LRRC4C: variants seen among roughly 807,000 people sequenced by gnomAD.
The protein encoded by LRRC4C is leucine-rich repeat-containing protein 4C.
Under a neutral mutation model 33.6 loss-of-function variants are expected in LRRC4C, and 5 were observed. The ratio of observed to expected loss-of-function variants is 0.15; its 90% CI spans 0.08 to 0.31. The LOEUF (loss-of-function observed/expected upper bound fraction) is 0.31, where lower values mean the gene tolerates loss of function less well. Among genes scored for constraint, LRRC4C ranks in the 10% least tolerant of loss-of-function variants. The probability of loss-of-function intolerance (pLI) is 1.00; values close to 1 mark genes in which losing one functional copy is unlikely to be tolerated. For synonymous variants in LRRC4C, 329 were observed against 302.0 expected (o/e 1.09, Z -0.93); for missense variants, 560 against 796.7 (o/e 0.70, Z 3.58).
intron 2 of LRRC4C, among the ~76,000 whole-genome samples, chr11:40,881,723 C>T (rs1334834579): frequency 6.7e-6 from 1 of 150,368 alleles, no homozygotes; most frequent in Non-Finnish European, 1.5e-5. Context: ...ACTTTGTATT[C>T]TAGATGTAAA....
rs913920451 is a variant in LRRC4C, at chr11:41,344,984, T to C, written c.-496+114447A>G. On this transcript the variant is annotated intron_variant, in intron 1 of 6. Transcript: ENST00000528697. ...AGAATCATTATTAACTGTTTTTTTT[T>C]CCCCTGTTTCCTGGGGAACTATTGA... Among the ~76,000 whole-genome samples the C allele has an allele frequency of 1.7e-4, 26 of 148,902 alleles. No individual in the cohort carries two copies. In the East Asian group the frequency reaches 1.8e-3, roughly 10 times the overall value.
intron 1 of LRRC4C, among the ~76,000 whole-genome samples, chr11:41,316,262 CA>C (rs60671406): frequency 0.12 from 9,189 of 77,974 alleles, 397 homozygotes; most frequent in Middle Eastern, 0.16. Flanking sequence ...CTCTGGATGG[CA>C]AAAAAAAAAA....
intron 1 of LRRC4C, among the ~76,000 whole-genome samples, chr11:41,107,059 T>TA: frequency 2.4e-4 from 1 of 4,154 alleles, no homozygotes; most frequent in African/African-American, 6.4e-4. Context: ...TAGGTTTTGA[T>TA]TTTTTTTTTT....
intron 1 of LRRC4C, among the ~76,000 whole-genome samples, chr11:41,403,740 G>C (rs989495020): frequency 6.6e-6 from 1 of 151,978 alleles, no homozygotes; most frequent in African/African-American, 2.4e-5. Flanking sequence ...GCTGATTTTT[G>C]TCTTCTCTCC....
At chr11:40,808,936 T>G (rs1042665946) in intron 2 of LRRC4C, among the ~76,000 whole-genome samples, 27 of 152,160 alleles carry the variant, frequency 1.8e-4, no homozygotes, top group African/African-American at 6.5e-4. Context: ...AACTTTTCAC[T>G]TATTTGTCTT....
intron 3 of LRRC4C, among the ~76,000 whole-genome samples, chr11:40,507,613 T>G (rs1955096251): frequency 6.6e-6 from 1 of 152,176 alleles, no homozygotes; most frequent in South Asian, 2.1e-4. Flanking sequence ...TTTTAGCAGT[T>G]TATGTTAACA....
At chr11:40,995,489 G>T (rs1454553963) in intron 1 of LRRC4C, among the ~76,000 whole-genome samples, 2 of 151,860 alleles carry the variant, frequency 1.3e-5, no homozygotes, top group East Asian at 3.9e-4. Context: ...AAAGATCCTA[G>T]GAGATATCTT....
At chr11:40,631,129 T>C (rs762681270) in intron 3 of LRRC4C, among the ~76,000 whole-genome samples, 6 of 152,244 alleles carry the variant, frequency 3.9e-5, no homozygotes, top group Non-Finnish European at 7.3e-5. Flanking sequence ...ACTTCCACTG[T>C]AGAGAGAAAG....
intron 1 of LRRC4C, among the ~76,000 whole-genome samples, chr11:40,976,726 C>T (rs1852112474): frequency 6.6e-6 from 1 of 151,750 alleles, no homozygotes; most frequent in Admixed American, 6.6e-5. Flanking sequence ...AAAAAGGATT[C>T]CAAAAGAAAA....
chr11:40,878,013 T>C (rs1954991139), intron 2 of LRRC4C, among the ~76,000 whole-genome samples: 1 of 152,188 alleles, frequency 6.6e-6, no homozygotes. Flanking sequence ...TATCTCATCA[T>C]TGAATCTTCT....
intron 3 of LRRC4C, among the ~76,000 whole-genome samples, chr11:40,577,370 A>C (rs1958237085): frequency 6.6e-6 from 1 of 152,214 alleles, no homozygotes; most frequent in African/African-American, 2.4e-5. Flanking sequence ...CTGATCGTAT[A>C]GTTTATACTA....
At chr11:40,164,442 T>C (rs982379289) in intron 5 of LRRC4C, among the ~76,000 whole-genome samples, 2 of 152,086 alleles carry the variant, frequency 1.3e-5, no homozygotes, top group African/African-American at 4.8e-5. Flanking sequence ...GGGGCTTCAC[T>C]ATGTTGGCCA....
intron 3 of LRRC4C, among the ~76,000 whole-genome samples, chr11:40,440,084 T>C (rs921955634): frequency 6.6e-6 from 1 of 152,218 alleles, no homozygotes; most frequent in East Asian, 1.9e-4. Context: ...TTATTTACTG[T>C]GTGGATCTTT....
intron 2 of LRRC4C, among the ~76,000 whole-genome samples, chr11:40,716,325 T>C (rs1459556316): frequency 6.6e-6 from 1 of 152,100 alleles, no homozygotes; most frequent in Non-Finnish European, 1.5e-5. Flanking sequence ...TAAATATTCT[T>C]TTATATCTAC....
chr11:40,194,926 A>T (rs1169590570), intron 5 of LRRC4C, among the ~76,000 whole-genome samples: 2 of 10,756 alleles, frequency 1.9e-4, no homozygotes, highest in Non-Finnish European at 4.5e-4. Flanking sequence ...GTTTCTACTT[A>T]AAAAAAAACA....
At position 41,438,012 on chromosome 11, in the gene LRRC4C, T is replaced by C. The variant is rs952313715; in HGVS notation, c.-496+21419A>G. Reference sequence around the variant, plus strand: ...GAGATCACACTGTCACACTCCAGCCTGGGCGACAAGAACAAAACTCCATCT... The same window carrying C: ...GAGATCACACTGTCACACTCCAGCCCGGGCGACAAGAACAAAACTCCATCT... On this transcript the variant is annotated intron_variant, in intron 1 of 6. Transcript: ENST00000528697. Among the ~76,000 whole-genome samples the C allele has an allele frequency of 3.4e-5, 5 of 148,016 alleles. No individual in the cohort carries two copies. In the East Asian group the frequency reaches 9.7e-4, roughly 29 times the overall value.
chr11:40,227,741 A>G (rs1185125398), intron 5 of LRRC4C, among the ~76,000 whole-genome samples: 1 of 152,142 alleles, frequency 6.6e-6, no homozygotes, highest in Non-Finnish European at 1.5e-5. Context: ...AGTACAAGGA[A>G]AAAAAAGTAC....
chr11:40,624,605 G>T (rs1015921134), intron 3 of LRRC4C, among the ~76,000 whole-genome samples: 3 of 152,210 alleles, frequency 2.0e-5, no homozygotes, highest in African/African-American at 4.8e-5. Context: ...ACCAAGCTCT[G>T]TCAAAAAGTG....
chr11:40,359,777 A>G (rs1429982572), intron 3 of LRRC4C, among the ~76,000 whole-genome samples: 5 of 152,162 alleles, frequency 3.3e-5, no homozygotes, highest in African/African-American at 1.2e-4. Flanking sequence ...TTCCCAATTC[A>G]TTTCCATGAG....
Sources: allele counts gnomAD v4.1 joint callset (sites outside exome capture counted in the v4.1 genomes callset), GRCh38; gene constraint gnomAD v4.1.1; transcripts MANE v1.5; gene names NCBI Gene and HGNC (gene_info 2026-07-23, HGNC 2026-07-21).